Variants in FOXN3 observed in about 807,000 individuals in gnomAD.
FOXN3 encodes the protein forkhead box protein N3.
A neutral mutation model predicts 38.4 loss-of-function variants in FOXN3; 7 were observed. The ratio of observed to expected loss-of-function variants is 0.18; its 90% CI spans 0.10 to 0.34. The LOEUF is 0.34. Among genes scored for constraint, FOXN3 ranks in the 10% least tolerant of loss-of-function variants. FOXN3 has a pLI of 1.00. For missense variants in FOXN3, 456 were observed against 613.4 expected (o/e 0.74, Z 2.71); for synonymous variants, 230 against 242.2 (o/e 0.95, Z 0.47).
intron 3 of FOXN3, among the ~76,000 whole-genome samples, chr14:89,323,860 A>T (rs530614732): frequency 3.9e-5 from 6 of 152,296 alleles, no homozygotes; most frequent in African/African-American, 1.2e-4. Context: ...GGTGAAGTGT[A>T]GATACTGGAA....
intron 4 of FOXN3, among the ~76,000 whole-genome samples, chr14:89,183,512 A>G (rs1276784526): frequency 6.6e-6 from 1 of 152,098 alleles, no homozygotes; most frequent in Non-Finnish European, 1.5e-5. Flanking sequence ...AAAATATACT[A>G]TGGTACATGC....
chr14:89,238,624 A>G (rs1566936316), intron 4 of FOXN3, among the ~76,000 whole-genome samples: 2 of 152,208 alleles, frequency 1.3e-5, no homozygotes, highest in Non-Finnish European at 2.9e-5. Flanking sequence ...GAACTGCAGA[A>G]TATTTTATTT....
At chr14:89,608,186 C>T (rs891826932) in intron 1 of FOXN3, among the ~76,000 whole-genome samples, 2 of 152,206 alleles carry the variant, frequency 1.3e-5, no homozygotes, top group South Asian at 2.1e-4. Context: ...TCACCCCATC[C>T]TGTTAGCCAT....
At position 89,366,186 on chromosome 14, in the gene FOXN3, G is replaced by A. The variant is rs186226326; in HGVS notation, c.544-15378C>T. ...GAGAATGGCATGAACCCGGGAGGCG[G>A]AGTTTGCAGTGAGCCGAGATTGCAC... is the stretch of plus-strand genomic sequence containing the variant. On this transcript the variant is annotated intron_variant, in intron 2 of 5. Coordinates refer to ENST00000557258, the MANE Select transcript of FOXN3 (RefSeq NM_005197.4). 5.1e-3 allele frequency among the ~76,000 whole-genome samples: 767 copies of A among 151,828 alleles called. 6 individuals carry two copies. The highest frequency in any genetic ancestry group is 7.9e-3 in the Non-Finnish European group (536 of 67,982).
intron 1 of FOXN3, among the ~76,000 whole-genome samples, chr14:89,469,088 CTT>C (rs985530485): frequency 6.6e-6 from 1 of 152,182 alleles, no homozygotes; most frequent in Non-Finnish European, 1.5e-5. Context: ...ATTTGAACCT[CTT>C]TTATTATGAG....
chr14:89,352,977 T>A (rs1448303562), intron 2 of FOXN3, among the ~76,000 whole-genome samples: 1 of 152,048 alleles, frequency 6.6e-6, no homozygotes, highest in Non-Finnish European at 1.5e-5. Flanking sequence ...GCAAGAACAG[T>A]GAAACGCCAT....
chr14:89,505,794 G>A (rs1320661921), intron 1 of FOXN3, among the ~76,000 whole-genome samples: 2 of 151,670 alleles, frequency 1.3e-5, no homozygotes, highest in Non-Finnish European at 1.5e-5. Flanking sequence ...AGTGAGGAGC[G>A]CCTCTTCCCG....
chr14:89,348,363 G>A (rs1888833626), intron 3 of FOXN3, among the ~76,000 whole-genome samples: 1 of 152,088 alleles, frequency 6.6e-6, no homozygotes, highest in Non-Finnish European at 1.5e-5. Context: ...TCAACAAGTG[G>A]CCTGATGGCT....
intron 1 of FOXN3, among the ~76,000 whole-genome samples, chr14:89,520,870 A>G (rs910265688): frequency 1.3e-5 from 2 of 152,260 alleles, no homozygotes; most frequent in Non-Finnish European, 2.9e-5. Context: ...CAAAGATTTT[A>G]AACACCCATT....
chr14:89,511,190 T>TTTCTTTCTTTC lies in FOXN3; in HGVS notation c.-14-98701_-14-98700insGAAAGAAAGAA, dbSNP rs1234108244. Reference sequence around the variant, plus strand: ...CTTTCTTTCTTTCTTTCTTTCTTTCTTTTCTTTCTTTCTTTTCTTTCTTTC... The same window carrying TTTCTTTCTTTC: ...CTTTCTTTCTTTCTTTCTTTCTTTCTTTCTTTCTTTCTTTCTTTCTTTCTTTTCTTTCTTTC... On this transcript the variant is annotated intron_variant, in intron 1 of 6. Coordinates refer to the FOXN3 transcript ENST00000345097. 1.0e-3 allele frequency among the ~76,000 whole-genome samples: 19 copies of TTTCTTTCTTTC among 18,832 alleles called. 2 individuals carry two copies. Among genetic ancestry groups the TTTCTTTCTTTC allele is most frequent in the African/African-American group, 2.2e-3 (18 of 8,158 alleles). 12.4% of individuals were successfully genotyped at this position (18,832 alleles called of 152,430 possible).
intron 3 of FOXN3, among the ~76,000 whole-genome samples, chr14:89,288,080 T>TAC (rs1886691857): frequency 6.6e-6 from 1 of 151,190 alleles, no homozygotes; most frequent in African/African-American, 2.4e-5. Flanking sequence ...TATATATATA[T>TAC]ATAGCTCCAT....
At chr14:89,519,032 G>C (rs913054464) in intron 1 of FOXN3, among the ~76,000 whole-genome samples, 2 of 152,062 alleles carry the variant, frequency 1.3e-5, no homozygotes, top group African/African-American at 4.8e-5. Flanking sequence ...CAAAAAAAGA[G>C]AATAAGTTCT....
Position 89,164,196 on chromosome 14 carries a change from G to A in FOXN3, c.852-1227C>T, listed in dbSNP as rs1887180096. On this transcript the variant is annotated intron_variant, in intron 5 of 5. Transcript: ENST00000557258. The surrounding 1 kb of genome is among the most constrained non-coding windows in gnomAD (Gnocchi z 4.3). ...GGGAGGCAGCTGCCTGTCTGTTAGT[G>A]CCTGGCGCCCAGCCTTCAGAAGGAT... Among the ~76,000 whole-genome samples, 1 of 152,196 alleles carries A rather than the reference G, an allele frequency of 6.6e-6. No homozygotes were observed. The highest frequency in any genetic ancestry group is 2.1e-4 in the South Asian group (1 of 4,832).
rs561965834 is a variant in FOXN3 at position 89,280,853 on chromosome 14, G to A, written c.745+97C>T. On this transcript the variant is annotated intron_variant, in intron 4 of 5. Coordinates refer to ENST00000557258, the MANE Select transcript of FOXN3 (RefSeq NM_005197.4). Reference sequence around the variant, plus strand: ...CTCCAGAAAGCGGCCACTCCTAAACGGGACAGAACTGTCCTATTTGACACC... The same window carrying A: ...CTCCAGAAAGCGGCCACTCCTAAACAGGACAGAACTGTCCTATTTGACACC... 6.7e-5 allele frequency: 70 copies of A among 1,051,676 alleles called. No individual in the cohort carries two copies. In the South Asian group the frequency reaches 7.4e-4, roughly 11 times the overall value. The allele number at this position is 1,051,676 out of a possible 1,614,324, so 65.1% of individuals were successfully genotyped here.
At chr14:89,492,558 G>T (rs1893602417) in intron 1 of FOXN3, among the ~76,000 whole-genome samples, 1 of 152,128 alleles carries the variant, frequency 6.6e-6, no homozygotes, top group Admixed American at 6.6e-5. Context: ...ATATAGTGAG[G>T]TCTTTTAGTT....
At chr14:89,501,112 G>T (rs1264062753) in intron 1 of FOXN3, among the ~76,000 whole-genome samples, 1 of 152,160 alleles carries the variant, frequency 6.6e-6, no homozygotes, top group East Asian at 1.9e-4. Flanking sequence ...CGAGGAAGTG[G>T]TAAGATGTAT....
At chr14:89,551,075 CA>C (rs1225791518) in intron 1 of FOXN3, among the ~76,000 whole-genome samples, 10 of 152,196 alleles carry the variant, frequency 6.6e-5, no homozygotes, top group Non-Finnish European at 1.5e-4. Context: ...TGAAGTTACG[CA>C]CAATGACATC....
chr14:89,211,728 A>G (rs1333763037), intron 4 of FOXN3, among the ~76,000 whole-genome samples: 2 of 152,230 alleles, frequency 1.3e-5, no homozygotes, highest in Non-Finnish European at 2.9e-5. Context: ...CTCACCCCAG[A>G]GAGCATCAAC....
chr14:89,415,718 G>A (rs55956789), intron 1 of FOXN3, among the ~76,000 whole-genome samples: 2 of 147,762 alleles, frequency 1.4e-5, no homozygotes, highest in Non-Finnish European at 3.0e-5. Context: ...TCCTGTTTCA[G>A]AGGGAAAAAA....
Sources: gnomAD v4.1 joint callset for allele counts (sites outside exome capture counted in the v4.1 genomes callset) on GRCh38, gnomAD v4.1.1 for gene constraint, Gnocchi (gnomAD v3.1) non-coding constraint, MANE v1.5 for transcripts, NCBI Gene and HGNC (gene_info 2026-07-23, HGNC 2026-07-21) for gene names.